The following LEMD2 variants were observed in gnomAD, a reference collection of about 807,000 sequenced individuals.
LEMD2 encodes the protein LEM domain nuclear envelope protein 2, also known as LEM domain-containing protein 2.
A neutral mutation model predicts 58.8 loss-of-function variants in LEMD2; 34 were observed. The observed-to-expected ratio is 0.58, with a 90% confidence interval of 0.44 to 0.77. The LOEUF is 0.77. LEMD2 is among the 30% of genes least tolerant of loss of function. The pLI is 0.00. For synonymous variants in LEMD2, 298 were observed against 308.9 expected (o/e 0.96, Z 0.37); for missense variants, 629 against 717.9 (o/e 0.88, Z 1.42).
Position 33,789,033 on chromosome 6 carries a change from C to T in LEMD2, c.84G>A (p.Arg28=), listed in dbSNP as rs779151888. Residue 28 remains arginine, a synonymous_variant, in exon 1 of 9, where the codon CGG becomes CGA. Transcript: ENST00000293760. ...GGCGCAGCTTGTTGCGGTAGACATCCCGGGTGGTGTCGGTGATGGGTCCTG... is the reference window on the plus strand; with the variant it reads ...GGCGCAGCTTGTTGCGGTAGACATCTCGGGTGGTGTCGGTGATGGGTCCTG... The part of the protein sequence containing the change: ...FQPGPITDTT[R]DVYRNKLRRL... 8.3e-6 allele frequency: 13 copies of T among 1,558,122 alleles called. No homozygotes were observed. The highest frequency in any genetic ancestry group is 4.3e-6 in the Non-Finnish European group (5 of 1,159,040).
At chr6:33,772,799 C>A in intron 8 of LEMD2, 21 bp from the exon 9 acceptor site, 1 of 1,609,198 alleles carries the variant, frequency 6.2e-7, no homozygotes. Flanking sequence ...AGGGACGGGG[C>A]TCTGCCTGGC....
chr6:33,774,007 G>A (rs571767797), intron 8 of LEMD2, among the ~76,000 whole-genome samples: 8 of 152,176 alleles, frequency 5.3e-5, no homozygotes, highest in Non-Finnish European at 1.5e-5. Flanking sequence ...AGCAGCTCTG[G>A]GTATCTATGC....
intron 5 of LEMD2, 55 bp downstream of exon 5, chr6:33,780,045 G>A: frequency 5.6e-6 from 8 of 1,429,006 alleles, no homozygotes; most frequent in Non-Finnish European, 7.7e-6. Flanking sequence ...TAGCTGACGA[G>A]CGAGGACAGT....
intron 8 of LEMD2, among the ~76,000 whole-genome samples, chr6:33,775,874 G>T (rs943473): frequency 4.6e-5 from 7 of 152,198 alleles, no homozygotes; most frequent in Admixed American, 2.6e-4. Flanking sequence ...CGGCTCCCAG[G>T]GAGCACTCAG....
chr6:33,785,247 C>G (rs1767650679), intron 2 of LEMD2, among the ~76,000 whole-genome samples: 1 of 152,186 alleles, frequency 6.6e-6, no homozygotes, highest in South Asian at 2.1e-4. Context: ...CACGTCCCCA[C>G]CTGCTTGTTC....
rs889255870 is a variant in LEMD2 at position 33,784,490 on chromosome 6, T to C, written c.778-63A>G. The C allele has an allele frequency of 2.5e-5, 21 of 826,822 alleles. No individual in the cohort carries two copies. The African/African-American group carries it at 3.5e-4, about 14-fold the overall frequency. The allele number at this position is 826,822 out of a possible 1,614,324, so 51.2% of individuals were successfully genotyped here. ...TGGGTGGGAGGGGTCCGTCTGTCCA[T>C]CTTTACTTCTCCAGCCACACTGTCA... On this transcript the variant is annotated intron_variant, in intron 2 of 8. Coordinates refer to ENST00000293760, the MANE Select transcript of LEMD2 (RefSeq NM_181336.4).
Position 33,786,259 on chromosome 6 carries a change from T to C in LEMD2, c.777+475A>G, listed in dbSNP as rs538436620. Reference sequence around the variant, plus strand: ...TCTAAATGTAGACTAAGAGGGCTAATTCCACTTAAGATGTGTTCCAAACAA... The same window carrying C: ...TCTAAATGTAGACTAAGAGGGCTAACTCCACTTAAGATGTGTTCCAAACAA... On this transcript the variant is annotated intron_variant, in intron 2 of 8. Transcript: ENST00000293760. 9.2e-5 allele frequency among the ~76,000 whole-genome samples: 14 copies of C among 151,362 alleles called. No individual in the cohort carries two copies. The South Asian group carries it at 2.7e-3, about 30-fold the overall frequency.
chr6:33,786,603 A>T (rs1487407230), intron 2 of LEMD2, 131 bp downstream of exon 2: 1 of 701,084 alleles, frequency 1.4e-6, no homozygotes, highest in Non-Finnish European at 2.5e-6. Flanking sequence ...CACAGAACAC[A>T]ATGTGACTCT....
chr6:33,786,526 G>T (rs183707277), intron 2 of LEMD2, among the ~76,000 whole-genome samples: 1 of 152,146 alleles, frequency 6.6e-6, no homozygotes, highest in Admixed American at 6.5e-5. Context: ...GCCCAGGGTT[G>T]GATTTTGGGA....
intron 4 of LEMD2, among the ~76,000 whole-genome samples, chr6:33,780,679 C>T (rs1392163044): frequency 6.6e-6 from 1 of 152,218 alleles, no homozygotes; most frequent in Non-Finnish European, 1.5e-5. Context: ...GTTCTATAAT[C>T]TACCATCCTG....
intron 3 of LEMD2, chr6:33,781,395 A>C (rs961036375): frequency 1.2e-5 from 6 of 504,766 alleles, no homozygotes; most frequent in African/African-American, 9.7e-5. Context: ...AATGACTAAA[A>C]AGCTGCCCAA....
Position 33,780,174 on chromosome 6 carries a change from C to A in LEMD2, c.936G>T (p.Val312=). ...CAAACTTGGCGGAGGAGCTGCTGGT[C>A]ACATTCTGTGGGAGGGCGCGGGAGA... ...VMEAQEYIAN[V]TSSSSAKFEA... is the part of the protein sequence containing the mutation. Residue 312 remains valine (V), a synonymous_variant, in exon 5 of 9, where the codon GTG becomes GTT. Transcript: ENST00000293760. 1 of 1,588,228 alleles carries A rather than the reference C, an allele frequency of 6.3e-7. No homozygotes were observed. Among genetic ancestry groups the A allele is most frequent in the South Asian group, 1.1e-5 (1 of 87,380 alleles).
chr6:33,777,071 A>G lies in LEMD2; in HGVS notation c.1259-15T>C. The stretch of plus-strand genomic sequence containing the variant: ...CTGGACCACGTCTGCAGGAGAGAGC[A>G]CACCATTTAGGGCAAGGACCCTCTG... On this transcript the variant is annotated splice_polypyrimidine_tract_variant and intron_variant, in intron 7 of 8. Transcript: ENST00000293760. The G allele has an allele frequency of 6.2e-7, 1 of 1,612,972 alleles. No homozygotes were observed. Among genetic ancestry groups the G allele is most frequent in the Non-Finnish European group, 8.5e-7 (1 of 1,178,938 alleles).
chr6:33,785,625 C>G (rs1434847580), intron 2 of LEMD2, among the ~76,000 whole-genome samples: 2 of 152,236 alleles, frequency 1.3e-5, no homozygotes, highest in Non-Finnish European at 2.9e-5. Flanking sequence ...ACAAAACTAA[C>G]AGCACTGAGA....
At position 33,784,406 on chromosome 6, in the gene LEMD2, C is replaced by A. The variant is rs1339296703; in HGVS notation, c.799G>T (p.Ala267Ser). ...TCATGCAGCAGCTCCAGCAAGGCTG[C>A]CTTCTGCTTGGCCTGACAGAACTGG... ...TDEFCQAKQK[A>S]ALLELLHELY... Residue 267 changes from alanine (A) to serine (S), a missense_variant, in exon 3 of 9, where the codon GCA becomes TCA. Ala to Ser is a moderately conservative substitution (Grantham distance 99, BLOSUM62 1). Transcript: ENST00000293760. 7.4e-7 allele frequency: 1 copy of A among 1,359,392 alleles called. No homozygotes were observed. The highest frequency in any genetic ancestry group is 1.6e-5 in the African/African-American group (1 of 63,512). 84.2% of individuals were successfully genotyped at this position (1,359,392 alleles called of 1,614,324 possible).
In LEMD2 at chr6:33,788,601, C is replaced by A; in HGVS notation, c.516G>T (p.Leu172=). The A allele has an allele frequency of 7.8e-7, 1 of 1,280,848 alleles. No individual in the cohort carries two copies. The highest frequency in any genetic ancestry group is 9.8e-7 in the Non-Finnish European group (1 of 1,017,432). The allele number at this position is 1,280,848 out of a possible 1,614,324, so 79.3% of individuals were successfully genotyped here. ...WWAASPAPAR[L]PSSLLGPDPR... ...GGTCGGGACCGAGGAGGGAGGAAGG[C>A]AGCCGCGCCGGGGCGGGAGACGCTG... is the stretch of plus-strand genomic sequence containing the variant. The change falls in exon 1 of 9, where the codon CTG becomes CTT. Residue 172 remains leucine, a synonymous_variant. Coordinates refer to ENST00000293760, the MANE Select transcript of LEMD2 (RefSeq NM_181336.4).
At chr6:33,784,643 G>A in intron 2 of LEMD2, 4 of 504,364 alleles carry the variant, frequency 7.9e-6, no homozygotes, top group African/African-American at 1.9e-5. Context: ...GAGAAGCAGA[G>A]GCAAAGCTGA....
In LEMD2 at chr6:33,774,177, T is replaced by C. The variant is rs572678546; in HGVS notation, c.1362-1399A>G. 3.1e-3 allele frequency among the ~76,000 whole-genome samples: 462 copies of C among 149,468 alleles called. 2 individuals are homozygous for C. Among genetic ancestry groups the C allele is most frequent in the African/African-American group, 6.1e-3 (247 of 40,588 alleles). ...ACGTGCTAGGCACTGACTTTTTTTTTTTTTTTTTTTTTGAGATGGAGTCTC... is the reference window on the plus strand; with the variant it reads ...ACGTGCTAGGCACTGACTTTTTTTTCTTTTTTTTTTTTGAGATGGAGTCTC... On this transcript the variant is annotated intron_variant, in intron 8 of 8. Coordinates refer to ENST00000293760, the MANE Select transcript of LEMD2 (RefSeq NM_181336.4).
At chr6:33,785,819 G>A (rs1429765179) in intron 2 of LEMD2, among the ~76,000 whole-genome samples, 1 of 152,154 alleles carries the variant, frequency 6.6e-6, no homozygotes, top group African/African-American at 2.4e-5. Context: ...AAGATATTTG[G>A]TGGATGAATC....
Sources: gnomAD v4.1 joint callset for allele counts (sites outside exome capture counted in the v4.1 genomes callset) on GRCh38, gnomAD v4.1.1 for gene constraint, MANE v1.5 for transcripts, NCBI Gene and HGNC (gene_info 2026-07-23, HGNC 2026-07-21) for gene names.